KANK1: variants seen among roughly 807,000 people sequenced by gnomAD.
KANK1 encodes the protein KN motif and ankyrin repeat domain-containing protein 1.
A neutral mutation model predicts 106.2 loss-of-function variants in KANK1; 109 were observed. The observed-to-expected ratio is 1.03, with a 90% CI of 0.88 to 1.20. KANK1 has a LOEUF of 1.20. Among genes scored for constraint, KANK1 ranks in the 50% most tolerant of loss-of-function variants. The pLI is 0.00. For missense variants in KANK1, 2,399 were observed against 1,710.7 expected (o/e 1.40, Z -7.10); for synonymous variants, 873 against 652.2 (o/e 1.34, Z -5.16).
At chr9:663,682 G>A (rs866163256) in intron 1 of KANK1, among the ~76,000 whole-genome samples, 1 of 152,148 alleles carries the variant, frequency 6.6e-6, no homozygotes, top group African/African-American at 2.4e-5. Flanking sequence ...AACTCTGGAA[G>A]TGTCAGTTAT....
At chr9:501,258 G>A (rs2058546141), upstream of KANK1, among the ~76,000 whole-genome samples, 2 of 152,086 alleles carry the variant, frequency 1.3e-5, no homozygotes, top group South Asian at 4.1e-4. Context: ...TTTTAAATCC[G>A]TGGCAAGAAC....
At chr9:507,268 T>C (rs1690595181) in intron 1 of KANK1, among the ~76,000 whole-genome samples, 2 of 151,766 alleles carry the variant, frequency 1.3e-5, no homozygotes, top group Admixed American at 1.3e-4. Flanking sequence ...GGCAGGAGGA[T>C]TGCTTTAGCC....
In KANK1 at chr9:569,509, G is replaced by C. The variant is rs574882745; in HGVS notation, c.-84+64755G>C. ...ATTCCCTGTGCTGCCTCCAGACTCT[G>C]TCAAGTCCCCACCAGCAAGAAGGCC... On this transcript the variant is annotated intron_variant, in intron 1 of 11. Transcript: ENST00000382297. Among the ~76,000 whole-genome samples the C allele has an allele frequency of 1.8e-4, 28 of 152,266 alleles. 1 individual carries two copies. The highest frequency in any genetic ancestry group is 5.5e-4 in the African/African-American group (23 of 41,538).
intron 1 of KANK1, among the ~76,000 whole-genome samples, chr9:553,790 A>G (rs1335239152): frequency 6.6e-6 from 1 of 152,216 alleles, no homozygotes; most frequent in Admixed American, 6.5e-5. Flanking sequence ...ATATTACAAA[A>G]TCTATACTAA....
At chr9:560,598 C>G (rs570415063) in intron 1 of KANK1, among the ~76,000 whole-genome samples, 1 of 152,210 alleles carries the variant, frequency 6.6e-6, no homozygotes, top group South Asian at 2.1e-4. Context: ...TTTTAACATG[C>G]CCATGTTTGT....
chr9:494,501 G>C (rs1449242627), intron 3 of KANK1, among the ~76,000 whole-genome samples: 1 of 152,184 alleles, frequency 6.6e-6, no homozygotes, highest in African/African-American at 2.4e-5. Context: ...ATAGAATATA[G>C]CAGAAGCAAT....
chr9:657,079 T>C (rs148037602), intron 1 of KANK1, among the ~76,000 whole-genome samples: 2 of 152,194 alleles, frequency 1.3e-5, no homozygotes, highest in Admixed American at 6.5e-5. Flanking sequence ...CTTTCTACTT[T>C]CTGTTTCTAT....
chr9:685,021 A>G (rs895426719), intron 2 of KANK1, among the ~76,000 whole-genome samples: 1 of 152,214 alleles, frequency 6.6e-6, no homozygotes, highest in Non-Finnish European at 1.5e-5. Context: ...TCTAAGTTCA[A>G]AAACCAAAAG....
upstream of KANK1, among the ~76,000 whole-genome samples, chr9:501,849 G>T (rs552544739): frequency 6.6e-6 from 1 of 152,152 alleles, no homozygotes; most frequent in South Asian, 2.1e-4. Context: ...GCCCAGCCTC[G>T]CGAGAGTCTT....
chr9:660,788 A>G (rs973808878), intron 1 of KANK1, among the ~76,000 whole-genome samples: 11 of 152,304 alleles, frequency 7.2e-5, no homozygotes, highest in Admixed American at 4.6e-4. Flanking sequence ...GGTCAAAGAA[A>G]GATCCCCTGG....
At chr9:558,211 C>G (rs919738661) in intron 1 of KANK1, among the ~76,000 whole-genome samples, 1 of 152,140 alleles carries the variant, frequency 6.6e-6, no homozygotes, top group African/African-American at 2.4e-5. Flanking sequence ...TGGAGCTGTT[C>G]TGTTATATAA....
At chr9:545,724 CTTTTTTTTTT>C (rs61622402) in intron 1 of KANK1, among the ~76,000 whole-genome samples, 11 of 102,686 alleles carry the variant, frequency 1.1e-4, no homozygotes, top group South Asian at 3.3e-4. Flanking sequence ...TGTACAGAGC[CTTTTTTTTTT>C]TTTTTTTTTT....
chr9:475,003 A>G (rs2058079731), intron 3 of KANK1, among the ~76,000 whole-genome samples: 1 of 152,158 alleles, frequency 6.6e-6, no homozygotes, highest in African/African-American at 2.4e-5. Context: ...CCATCAGGTG[A>G]TGGTCACATG....
chr9:687,963 A>C (rs1818946963), intron 2 of KANK1, among the ~76,000 whole-genome samples: 1 of 152,170 alleles, frequency 6.6e-6, no homozygotes, highest in Non-Finnish European at 1.5e-5. Flanking sequence ...CAACAGATTC[A>C]ATGTTCAACC....
chr9:526,639 T>G (rs940611258), intron 1 of KANK1, among the ~76,000 whole-genome samples: 1 of 151,838 alleles, frequency 6.6e-6, no homozygotes, highest in African/African-American at 2.4e-5. Flanking sequence ...GTCAAGTTGT[T>G]CTACAAAACC....
chr9:696,303 C>T (rs1395774987), intron 2 of KANK1, among the ~76,000 whole-genome samples: 1 of 151,152 alleles, frequency 6.6e-6, no homozygotes, highest in African/African-American at 2.4e-5. Flanking sequence ...AAAAAAACTG[C>T]TTGACTTCTG....
chr9:628,305 C>G (rs1834843861), intron 1 of KANK1, among the ~76,000 whole-genome samples: 1 of 152,154 alleles, frequency 6.6e-6, no homozygotes, highest in East Asian at 1.9e-4. Context: ...ACTTGTCAGA[C>G]CTCATCTTGT....
chr9:471,270 G>C (rs1587163032), intron 2 of KANK1, among the ~76,000 whole-genome samples: 1 of 152,192 alleles, frequency 6.6e-6, no homozygotes, highest in East Asian at 1.9e-4. Flanking sequence ...TGTGCAGGAA[G>C]GGACCGAGGA....
intron 3 of KANK1, among the ~76,000 whole-genome samples, chr9:479,507 G>T (rs10974743): frequency 1.3e-5 from 2 of 151,988 alleles, no homozygotes; most frequent in South Asian, 2.1e-4. Flanking sequence ...AAATGGGGAC[G>T]GAGGGACTAA....
Sources: allele counts gnomAD v4.1 joint callset (sites outside exome capture counted in the v4.1 genomes callset), GRCh38; gene constraint gnomAD v4.1.1; transcripts MANE v1.5; gene names NCBI Gene and HGNC (gene_info 2026-07-23, HGNC 2026-07-21).